Variants in RPRD2 observed in about 807,000 individuals in gnomAD.
RPRD2 encodes the protein regulation of nuclear pre-mRNA domain-containing protein 2.
A neutral mutation model predicts 104.4 loss-of-function variants in RPRD2; 12 were observed. The observed-to-expected ratio is 0.11, with a 90% CI of 0.07 to 0.19. RPRD2 has a LOEUF of 0.19. Ranked by LOEUF, RPRD2 falls within the 10% of genes least tolerant of loss-of-function variation. RPRD2 has a pLI of 1.00. For synonymous variants in RPRD2, 714 were observed against 684.9 expected (o/e 1.04, Z -0.66); for missense variants, 1,543 against 1,790.1 (o/e 0.86, Z 2.49).
At chr1:150,426,188 T>G (rs1553890521) in intron 2 of RPRD2, among the ~76,000 whole-genome samples, 1 of 152,216 alleles carries the variant, frequency 6.6e-6, no homozygotes, top group East Asian at 1.9e-4. Flanking sequence ...CCAGCTCTCC[T>G]GAATCCCAGT....
chr1:150,364,776 G>T lies in RPRD2; in HGVS notation c.62G>T (p.Gly21Val). ...KASSSSASSA[G>V]ALESSLDRKF... is the part of the protein sequence containing the mutation. ...TCCTCCTCGTCGGCCTCTTCGGCAG[G>T]GGCTCTGGAGTCCTCGTTGGATCGA... The change falls in exon 1 of 11, where the codon GGG becomes GTG. Residue 21 changes from glycine to valine, a missense_variant. Gly to Val is a moderately radical substitution (Grantham distance 109). This residue lies in a region of RPRD2 where 88 missense variants were observed against 96.6 expected (regional missense o/e 0.91). Coordinates refer to ENST00000369068, the MANE Select transcript of RPRD2 (RefSeq NM_015203.5). 1 of 1,611,284 alleles carries T rather than the reference G, an allele frequency of 6.2e-7. No homozygotes were observed. The highest frequency in any genetic ancestry group is 1.7e-5 in the Admixed American group (1 of 59,404).
intron 2 of RPRD2, 46 bp from the exon 3 acceptor site, chr1:150,440,877 G>A: frequency 2.3e-6 from 2 of 882,118 alleles, no homozygotes; most frequent in Non-Finnish European, 1.8e-6. Context: ...GTTTGGAGTA[G>A]AAGTCAAGGT....
intron 2 of RPRD2, among the ~76,000 whole-genome samples, chr1:150,432,190 A>G (rs12121421): frequency 0.22 from 32,879 of 150,658 alleles, 4,063 homozygotes; most frequent in African/African-American, 0.32. Flanking sequence ...AAAAAAAAAA[A>G]AAGAAAGAAA....
At chr1:150,412,003 A>T (rs1553887772) in intron 1 of RPRD2, among the ~76,000 whole-genome samples, 1 of 151,230 alleles carries the variant, frequency 6.6e-6, no homozygotes, top group Non-Finnish European at 1.5e-5. Context: ...AGCGCCTGTA[A>T]TCCCAGCTGC....
At chr1:150,381,998 AGAT>A (rs1395584081) in intron 1 of RPRD2, among the ~76,000 whole-genome samples, 1 of 152,210 alleles carries the variant, frequency 6.6e-6, no homozygotes, top group Non-Finnish European at 1.5e-5. Context: ...GAATTAAATA[AGAT>A]GCTTCATATG....
At position 150,364,621 on chromosome 1, in the gene RPRD2, C is replaced by T. The variant is rs1659685843; in HGVS notation, c.-94C>T. ...CCCTAGCTTCCCTCCCCACCTACGG[C>T]TTTCACGCACTCGCAGTGATTGTTT... On this transcript the variant is annotated 5_prime_UTR_variant, in exon 1 of 11. Coordinates refer to ENST00000369068, the MANE Select transcript of RPRD2 (RefSeq NM_015203.5). The T allele has an allele frequency of 6.0e-6, 4 of 665,504 alleles. 1 individual carries two copies. In the South Asian group the frequency reaches 7.3e-5, roughly 12 times the overall value. The allele number at this position is 665,504 out of a possible 1,614,324, so 41.2% of individuals were successfully genotyped here. A position where few individuals can be genotyped will look rare whatever the true frequency, so the allele number is the denominator to read the frequency against.
At chr1:150,446,980 G>A (rs1408029083) in intron 7 of RPRD2, among the ~76,000 whole-genome samples, 1 of 151,966 alleles carries the variant, frequency 6.6e-6, no homozygotes, top group Non-Finnish European at 1.5e-5. Context: ...GGGATTACAG[G>A]CATGCACCAC....
chr1:150,469,076 A>C (rs1420308703), intron 10 of RPRD2, among the ~76,000 whole-genome samples: 1 of 152,192 alleles, frequency 6.6e-6, no homozygotes, highest in Non-Finnish European at 1.5e-5. Context: ...TGGCTTTAAA[A>C]TGTTACAAGG....
rs1553876648 is a variant in RPRD2 at position 150,364,170 on chromosome 1, A to C, written c.-545A>C. Among the ~76,000 whole-genome samples the C allele has an allele frequency of 6.6e-6, 1 of 152,114 alleles. No homozygotes were observed. The highest frequency in any genetic ancestry group is 1.5e-5 in the Non-Finnish European group (1 of 68,016). On this transcript the variant is annotated 5_prime_UTR_variant, in exon 1 of 11. Coordinates refer to ENST00000369068, the MANE Select transcript of RPRD2 (RefSeq NM_015203.5). ...ATACTGTTGCTGCCCCTTTGCTGCT[A>C]TTGCGTTGCAAAAAAAATCCTGACT...
rs1668704933 is a variant in RPRD2 at position 150,473,052 on chromosome 1, C to T, written c.4104C>T (p.Ser1368=). Residue 1368 remains serine (S), a synonymous_variant, in exon 11 of 11, where the codon AGC becomes AGT. Transcript: ENST00000369068. ...NGPGLSRVRE[S]LTLPSHSLEH... ...CTGGCCTTAGCCGTGTACGAGAGAG[C>T]CTCACCCTACCCTCCCATTCTCTGG... is the stretch of plus-strand genomic sequence containing the variant. 6.2e-7 allele frequency: 1 copy of T among 1,614,030 alleles called. No individual in the cohort carries two copies. The highest frequency in any genetic ancestry group is 1.3e-5 in the African/African-American group (1 of 75,064).
At chr1:150,376,525 C>G (rs1281800564) in intron 1 of RPRD2, among the ~76,000 whole-genome samples, 6 of 145,592 alleles carry the variant, frequency 4.1e-5, no homozygotes, top group Middle Eastern at 3.2e-3. Flanking sequence ...GAGACGGAAT[C>G]TTGCTCTGTT....
intron 2 of RPRD2, among the ~76,000 whole-genome samples, chr1:150,440,648 T>C (rs1666355585): frequency 6.6e-6 from 1 of 152,198 alleles, no homozygotes. Context: ...CCCAGCCCTC[T>C]CAAGTTCATA....
Position 150,457,399 on chromosome 1 carries a change from G to C in RPRD2, c.982G>C (p.Ala328Pro). 6.2e-7 allele frequency: 1 copy of C among 1,613,716 alleles called. No homozygotes were observed. The highest frequency in any genetic ancestry group is 8.5e-7 in the Non-Finnish European group (1 of 1,179,726). ...ESPVPSPSMD[A>P]PSPTGSESPF... ...ACCAGTTCCTTCCCCAAGCATGGAC[G>C]CTCCCTCCCCGACTGGTTCTGAGTC... Residue 328 changes from alanine to proline, a missense_variant, in exon 8 of 11, where the codon GCT (alanine) becomes CCT (proline). Transcript: ENST00000369068.
intron 7 of RPRD2, among the ~76,000 whole-genome samples, chr1:150,452,661 CTTTTTTT>C (rs782322743): frequency 8.4e-5 from 6 of 71,236 alleles, no homozygotes; most frequent in Non-Finnish European, 2.5e-5. Context: ...GACATATCCC[CTTTTTTT>C]TTTTTTTTTT....
At position 150,369,441 on chromosome 1, in the gene RPRD2, ATTTTTTTTT is replaced by A. The variant is rs58054758; in HGVS notation, c.205+4547_205+4555del. On this transcript the variant is annotated intron_variant, in intron 1 of 10. Transcript: ENST00000369068. Reference sequence around the variant, plus strand: ...GGAACCATGCCACCACACCTGGCTAATTTTTTTTTTTTTTTTTTTTTTTTTTTTTTTTTG... The same window carrying A: ...GGAACCATGCCACCACACCTGGCTAATTTTTTTTTTTTTTTTTTTTTTTTG... 1.6e-4 allele frequency among the ~76,000 whole-genome samples: 9 copies of A among 57,532 alleles called. No homozygotes were observed. The South Asian group carries it at 4.7e-3, about 30-fold the overall frequency. The allele number at this position is 57,532 out of a possible 152,430, so 37.7% of individuals were successfully genotyped here. A position where few individuals can be genotyped will look rare whatever the true frequency, so the allele number is the denominator to read the frequency against.
At chr1:150,435,869 A>G (rs1432051957) in intron 2 of RPRD2, among the ~76,000 whole-genome samples, 1 of 152,236 alleles carries the variant, frequency 6.6e-6, no homozygotes, top group Non-Finnish European at 1.5e-5. Flanking sequence ...TAGGACTCTC[A>G]TAGCTAGAAG....
At chr1:150,442,487 G>T (rs1333962969) in intron 4 of RPRD2, among the ~76,000 whole-genome samples, 3 of 152,148 alleles carry the variant, frequency 2.0e-5, no homozygotes, top group Non-Finnish European at 4.4e-5. Flanking sequence ...GAGATCAAGG[G>T]AATGGAATAC....
At chr1:150,429,125 T>C (rs1285351142) in intron 2 of RPRD2, among the ~76,000 whole-genome samples, 1 of 150,822 alleles carries the variant, frequency 6.6e-6, no homozygotes, top group South Asian at 2.1e-4. Context: ...GGAGTTTTGC[T>C]CTTGTTGCCC....
intron 1 of RPRD2, among the ~76,000 whole-genome samples, chr1:150,384,381 T>C (rs1311842829): frequency 6.6e-6 from 1 of 151,592 alleles, no homozygotes. Context: ...AGAGGAGTCA[T>C]AACCAGAAGG....
Sources: gnomAD v4.1 joint callset for allele counts (sites outside exome capture counted in the v4.1 genomes callset) on GRCh38, gnomAD v4.1.1 for gene constraint, gnomAD v4.1.1 regional missense constraint, MANE v1.5 for transcripts, NCBI Gene and HGNC (gene_info 2026-07-23, HGNC 2026-07-21) for gene names.